The following ARHGEF10L variants were observed in gnomAD, a reference collection of about 807,000 sequenced individuals.
ARHGEF10L encodes the protein Rho guanine nucleotide exchange factor 10 like.
In ARHGEF10L, 69 loss-of-function variants were observed where a neutral mutation model predicts 141.2. That is an observed-to-expected ratio of 0.49 (90% CI 0.40 to 0.60). The LOEUF (loss-of-function observed/expected upper bound fraction) is 0.60, where lower values mean the gene tolerates loss of function less well. ARHGEF10L is among the 20% of genes least tolerant of loss of function. The pLI, the probability that ARHGEF10L is intolerant of heterozygous loss-of-function variation, is 0.00. For missense variants in ARHGEF10L, 1,482 were observed against 1,734.3 expected (o/e 0.85, Z 2.58); for synonymous variants, 711 against 718.5 (o/e 0.99, Z 0.17).
At chr1:17,595,724 G>A (rs187489401) in intron 4 of ARHGEF10L, among the ~76,000 whole-genome samples, 9 of 152,284 alleles carry the variant, frequency 5.9e-5, no homozygotes, top group East Asian at 5.8e-4. Context: ...GAGGAGAGGC[G>A]GAGGGAAGGA....
chr1:17,641,720 T>A (rs1571189949), intron 21 of ARHGEF10L, among the ~76,000 whole-genome samples: 1 of 152,140 alleles, frequency 6.6e-6, no homozygotes, highest in South Asian at 2.1e-4. Flanking sequence ...GGCTCGCGCC[T>A]GTAATCCTAG....
intron 9 of ARHGEF10L, among the ~76,000 whole-genome samples, chr1:17,617,618 G>T (rs2059877764): frequency 6.6e-6 from 1 of 152,242 alleles, no homozygotes; most frequent in Admixed American, 6.5e-5. Context: ...TCTGCTGCCT[G>T]CCCTCGGCAC....
At chr1:17,523,365 A>G in the ARHGEF10L span, among the ~76,000 whole-genome samples, 45 of 152,178 alleles carry the variant, frequency 3.0e-4, no homozygotes, top group Non-Finnish European at 6.0e-4. Context: ...CTGGGATTAC[A>G]GGTGTGAGCC....
chr1:17,515,907 G>T, the ARHGEF10L span, among the ~76,000 whole-genome samples: 1 of 152,200 alleles, frequency 6.6e-6, no homozygotes, highest in Admixed American at 6.5e-5. Context: ...CAAATGCTGG[G>T]ATTACAAGTG....
intron 1 of ARHGEF10L, among the ~76,000 whole-genome samples, chr1:17,548,720 C>T (rs528097408): frequency 7.2e-6 from 1 of 139,216 alleles, no homozygotes; most frequent in East Asian, 2.1e-4. Context: ...ATGGTCTTGG[C>T]TCACTGCATC....
the ARHGEF10L span, among the ~76,000 whole-genome samples, chr1:17,529,655 G>C: frequency 5.3e-5 from 8 of 152,222 alleles, no homozygotes; most frequent in East Asian, 1.5e-3. Context: ...CAGGGGCTGG[G>C]GCAGGCTATC....
rs1234587447 is a variant in ARHGEF10L at position 17,673,356 on chromosome 1, C to T, written c.3009+8761C>T. Reference sequence around the variant, plus strand: ...CCCGGCAGCAGGGAGAGGGGGAGGGCAGATGCCCAAGGGGCAGCTGCCCAG... The same window carrying T: ...CCCGGCAGCAGGGAGAGGGGGAGGGTAGATGCCCAAGGGGCAGCTGCCCAG... On this transcript the variant is annotated intron_variant, in intron 26 of 28. Transcript: ENST00000361221. The surrounding 1 kb of genome is among the most constrained non-coding windows in gnomAD (Gnocchi z 4.1). Among the ~76,000 whole-genome samples, 2 of 152,070 alleles carry T rather than the reference C, an allele frequency of 1.3e-5. No homozygotes were observed. Among genetic ancestry groups the T allele is most frequent in the Admixed American group, 6.5e-5 (1 of 15,278 alleles).
At chr1:17,671,419 G>A (rs925389880) in intron 26 of ARHGEF10L, among the ~76,000 whole-genome samples, 20 of 152,142 alleles carry the variant, frequency 1.3e-4, no homozygotes, top group South Asian at 2.1e-4. Context: ...GATGGCAGCC[G>A]GGGACAGATG....
intron 4 of ARHGEF10L, among the ~76,000 whole-genome samples, chr1:17,600,778 G>T (rs892543715): frequency 6.6e-6 from 1 of 152,040 alleles, no homozygotes; most frequent in East Asian, 1.9e-4. Flanking sequence ...GTTTAGGTGC[G>T]GTGACTCACT....
chr1:17,645,832 G>A (rs533918673), intron 21 of ARHGEF10L, among the ~76,000 whole-genome samples: 2 of 152,348 alleles, frequency 1.3e-5, no homozygotes, highest in African/African-American at 2.4e-5. Flanking sequence ...GCGGATAGAA[G>A]GACGTATCTC....
At chr1:17,641,152 A>G (rs185517980) in intron 21 of ARHGEF10L, among the ~76,000 whole-genome samples, 111 of 152,264 alleles carry the variant, frequency 7.3e-4, no homozygotes, top group Non-Finnish European at 1.2e-3. Flanking sequence ...TTAAGTTATA[A>G]TTACTTTACT....
intron 2 of ARHGEF10L, among the ~76,000 whole-genome samples, chr1:17,583,328 G>T (rs1404435529): frequency 6.6e-6 from 1 of 152,086 alleles, no homozygotes; most frequent in Non-Finnish European, 1.5e-5. Context: ...TCACCCAGCA[G>T]CAGGGACTGG....
Position 17,619,394 on chromosome 1 carries a change from G to A in ARHGEF10L, c.891G>A (p.Lys297=). The A allele has an allele frequency of 6.2e-7, 1 of 1,611,516 alleles. No individual in the cohort carries two copies. Among genetic ancestry groups the A allele is most frequent in the Non-Finnish European group, 8.5e-7 (1 of 1,179,260 alleles). Residue 297 remains lysine, a synonymous_variant, in exon 10 of 29, where the codon AAG becomes AAA. Transcript: ENST00000361221. The surrounding 1 kb of genome is among the most constrained non-coding windows in gnomAD (Gnocchi z 5.0). ...TGGAGGTCAGCGTTTCGGACATCAAGCCCCCAGCCCCAGAGCTGGGCCCCA... is the reference window on the plus strand; with the variant it reads ...TGGAGGTCAGCGTTTCGGACATCAAACCCCCAGCCCCAGAGCTGGGCCCCA... ...GLLEVSVSDI[K]PPAPELGPMP...
At chr1:17,530,741 C>T in the ARHGEF10L span, among the ~76,000 whole-genome samples, 8 of 152,172 alleles carry the variant, frequency 5.3e-5, no homozygotes, top group East Asian at 1.4e-3. Flanking sequence ...TCTGGTTGGG[C>T]GTGGTGGCTC....
chr1:17,659,984 G>A lies in ARHGEF10L; in HGVS notation c.2860+3276G>A, dbSNP rs150001683. 1.4e-4 allele frequency among the ~76,000 whole-genome samples: 21 copies of A among 152,358 alleles called. No homozygotes were observed. In the East Asian group the frequency reaches 3.7e-3, roughly 27 times the overall value. ...AGAGACAGGGAAACTGAGGCCAAGA[G>A]CAATGTGGCCATGGCAGTCACTCTG... On this transcript the variant is annotated intron_variant, in intron 25 of 28. Coordinates refer to ENST00000361221, the MANE Select transcript of ARHGEF10L (RefSeq NM_018125.4).
intron 3 of ARHGEF10L, 136 bp downstream of exon 3, chr1:17,587,781 A>G: frequency 1.0e-6 from 1 of 973,340 alleles, no homozygotes; most frequent in South Asian, 1.7e-5. Context: ...GCCAGTGGGA[A>G]GAAGCTGCAG....
intron 2 of ARHGEF10L, among the ~76,000 whole-genome samples, chr1:17,584,081 G>T (rs1183922895): frequency 1.3e-5 from 2 of 151,912 alleles, no homozygotes; most frequent in African/African-American, 4.8e-5. Context: ...GTCTCGCTTT[G>T]TCACCCAGGC....
At chr1:17,631,296 G>C (rs895394180) in intron 15 of ARHGEF10L, among the ~76,000 whole-genome samples, 3 of 152,140 alleles carry the variant, frequency 2.0e-5, no homozygotes, top group Non-Finnish European at 4.4e-5. Flanking sequence ...TTAGAAAAAA[G>C]ACGTTTTCCC....
chr1:17,601,332 C>T (rs1000423285), intron 4 of ARHGEF10L, among the ~76,000 whole-genome samples: 1 of 152,226 alleles, frequency 6.6e-6, no homozygotes, highest in African/African-American at 2.4e-5. Context: ...TCTGCTGTTT[C>T]CCATTTGCAT....
Sources: gnomAD v4.1 joint callset for allele counts (sites outside exome capture counted in the v4.1 genomes callset) on GRCh38, gnomAD v4.1.1 for gene constraint, Gnocchi (gnomAD v3.1) non-coding constraint, MANE v1.5 for transcripts, NCBI Gene and HGNC (gene_info 2026-07-23, HGNC 2026-07-21) for gene names.